SYT17: variants seen among roughly 807,000 people sequenced by gnomAD.
The protein encoded by SYT17 is synaptotagmin 17.
In SYT17, 22 loss-of-function variants were observed where a neutral mutation model predicts 46.7. The observed-to-expected ratio is 0.47, with a 90% confidence interval of 0.34 to 0.67. The LOEUF is 0.67. Ranked by LOEUF, SYT17 falls within the 30% of genes least tolerant of loss-of-function variation. The pLI, the probability that SYT17 is intolerant of heterozygous loss-of-function variation, is 0.01. For synonymous variants in SYT17, 251 were observed against 248.4 expected, an observed-to-expected ratio of 1.01 and a Z score of -0.10; for missense variants, 519 against 612.8, an observed-to-expected ratio of 0.85 and a Z score of 1.62.
At position 19,231,522 on chromosome 16, in the gene SYT17, A is replaced by T. The variant is rs7197634; in HGVS notation, c.1228+6684A>T. On this transcript the variant is annotated intron_variant, in intron 7 of 7. Coordinates refer to ENST00000355377, the MANE Select transcript of SYT17 (RefSeq NM_016524.4). ...TGGGCAACAAGAGTGAAACTCCATC[A>T]CAAAAAAAAAAAAAAAAAAAAAAAA... Among the ~76,000 whole-genome samples, 45 of 114,092 alleles carry T rather than the reference A, an allele frequency of 3.9e-4. 1 individual carries two copies. The highest frequency in any genetic ancestry group is 1.6e-3 in the African/African-American group (44 of 28,002). The allele number at this position is 114,092 out of a possible 152,430, so 74.8% of individuals were successfully genotyped here.
chr16:19,176,079 C>G (rs1318049913), intron 3 of SYT17, among the ~76,000 whole-genome samples: 1 of 152,166 alleles, frequency 6.6e-6, no homozygotes, highest in East Asian at 1.9e-4. Context: ...ATGAAAGAAT[C>G]AGGAATGATG....
chr16:19,217,794 G>A (rs142861412), intron 5 of SYT17, among the ~76,000 whole-genome samples: 12 of 152,312 alleles, frequency 7.9e-5, no homozygotes, highest in East Asian at 1.9e-4. Flanking sequence ...AGTATACAGC[G>A]TTCTTGTTTA....
intron 7 of SYT17, among the ~76,000 whole-genome samples, chr16:19,229,411 A>T (rs1455852877): frequency 6.6e-6 from 1 of 152,034 alleles, no homozygotes; most frequent in Admixed American, 6.5e-5. Flanking sequence ...CAGGAGGAAG[A>T]GAGTGAAGGG....
chr16:19,253,854 A>C (rs1968368372), intron 7 of SYT17, among the ~76,000 whole-genome samples: 3 of 152,016 alleles, frequency 2.0e-5, no homozygotes, highest in African/African-American at 7.2e-5. Context: ...CAGCCTCCCG[A>C]GTAACTAGGA....
intron 7 of SYT17, among the ~76,000 whole-genome samples, chr16:19,226,905 C>T (rs971235486): frequency 2.0e-5 from 3 of 152,152 alleles, no homozygotes; most frequent in African/African-American, 7.2e-5. Context: ...AAATGTAGCA[C>T]ACACGTGTTA....
chr16:19,238,160 G>C (rs1385793101), intron 7 of SYT17, among the ~76,000 whole-genome samples: 2 of 152,212 alleles, frequency 1.3e-5, no homozygotes, highest in East Asian at 3.9e-4. Context: ...GGTAGGATCA[G>C]CAGAACATGC....
intron 4 of SYT17, among the ~76,000 whole-genome samples, chr16:19,181,118 T>C (rs1457933007): frequency 6.6e-6 from 1 of 152,258 alleles, no homozygotes; most frequent in Admixed American, 6.5e-5. Flanking sequence ...CCGTATTGTC[T>C]GATCTTTGTA....
In SYT17 at chr16:19,213,493, T is replaced by C. The variant is rs535811315; in HGVS notation, c.952-9552T>C. On this transcript the variant is annotated intron_variant, in intron 5 of 7. Coordinates refer to ENST00000355377, the MANE Select transcript of SYT17 (RefSeq NM_016524.4). The stretch of plus-strand genomic sequence containing the variant: ...GTTTACTGAAACCAAGACAGGGAGG[T>C]ACAGAGAGCAAGGAAGTTTGGCCTT... Among the ~76,000 whole-genome samples, 12 of 151,894 alleles carry C rather than the reference T, an allele frequency of 7.9e-5. No homozygotes were observed. The East Asian group carries it at 2.3e-3, about 29-fold the overall frequency.
intron 5 of SYT17, among the ~76,000 whole-genome samples, chr16:19,197,040 G>A: frequency 6.6e-6 from 1 of 152,142 alleles, no homozygotes; most frequent in Non-Finnish European, 1.5e-5. Flanking sequence ...TCACCACCTG[G>A]CACCTTACCA....
rs768982659 is a variant in SYT17, at chr16:19,223,158, A to G, written c.1065A>G (p.Gln355=). 61 of 1,613,698 alleles carry G rather than the reference A, an allele frequency of 3.8e-5. No homozygotes were observed. The highest frequency in any genetic ancestry group is 5.1e-5 in the Non-Finnish European group (60 of 1,179,792). The change falls in exon 6 of 8, where the codon CAA becomes CAG. Residue 355 remains glutamine (Q), a synonymous_variant. Transcript: ENST00000355377. The part of the protein sequence containing the change: ...AKQLLQTDVS[Q]GSDPFVKIQL... ...AACTTCTTCAGACAGATGTGAGCCA[A>G]GGTTCAGGTACCGTGTGATTCCCCT...
intron 5 of SYT17, among the ~76,000 whole-genome samples, chr16:19,189,337 TC>T (rs1302058357): frequency 7.2e-6 from 1 of 138,846 alleles, no homozygotes; most frequent in Non-Finnish European, 1.5e-5. Context: ...CCTCAACCTG[TC>T]TTTTTTTTTT....
chr16:19,267,370 T>A lies in SYT17; in HGVS notation c.*294T>A, dbSNP rs1356293584. On this transcript the variant is annotated 3_prime_UTR_variant, in exon 8 of 8. Transcript: ENST00000355377. Reference sequence around the variant, plus strand: ...TGGGACTTATTGGCAGTGCCTGCTCTTGTCAATACTCCTGCCCCAAAATGC... The same window carrying A: ...TGGGACTTATTGGCAGTGCCTGCTCATGTCAATACTCCTGCCCCAAAATGC... 3.9e-6 allele frequency: 1 copy of A among 254,804 alleles called. No individual in the cohort carries two copies. The highest frequency in any genetic ancestry group is 2.2e-5 in the African/African-American group (1 of 45,322). The allele number at this position is 254,804 out of a possible 1,614,324, so 15.8% of individuals were successfully genotyped here.
chr16:19,200,270 A>G (rs1965410618), intron 5 of SYT17, among the ~76,000 whole-genome samples: 1 of 152,252 alleles, frequency 6.6e-6, no homozygotes, highest in South Asian at 2.1e-4. Context: ...GCCCATATAC[A>G]TGACCCTAAC....
rs143448107 is a variant in SYT17 at position 19,231,523 on chromosome 16, CAAAAAA to C, written c.1228+6707_1228+6712del. Among the ~76,000 whole-genome samples, 311 of 45,832 alleles carry C rather than the reference CAAAAAA, an allele frequency of 6.8e-3. 1 individual carries two copies. Among genetic ancestry groups the C allele is most frequent in the Non-Finnish European group, 9.6e-3 (231 of 24,168 alleles). The allele number at this position is 45,832 out of a possible 152,430, so 30.1% of individuals were successfully genotyped here. On this transcript the variant is annotated intron_variant, in intron 7 of 7. Transcript: ENST00000355377. ...GGGCAACAAGAGTGAAACTCCATCA[CAAAAAA>C]AAAAAAAAAAAAAAAAAAAAAGAAA... is the stretch of plus-strand genomic sequence containing the variant.
chr16:19,210,468 A>G (rs1965853849), intron 5 of SYT17, among the ~76,000 whole-genome samples: 1 of 148,568 alleles, frequency 6.7e-6, no homozygotes, highest in Non-Finnish European at 1.5e-5. Flanking sequence ...TTTTTTTTAA[A>G]AGGGTATTTT....
chr16:19,222,769 A>G (rs1227092671), intron 5 of SYT17, among the ~76,000 whole-genome samples: 1 of 152,230 alleles, frequency 6.6e-6, no homozygotes, highest in Non-Finnish European at 1.5e-5. Flanking sequence ...CGCTTAGCGT[A>G]GTACATGGCA....
intron 3 of SYT17, among the ~76,000 whole-genome samples, chr16:19,178,006 C>T (rs1964383609): frequency 2.6e-5 from 4 of 152,092 alleles, no homozygotes; most frequent in Non-Finnish European, 1.5e-5. Context: ...ATTAGTTATT[C>T]ATCCTTCTCC....
At chr16:19,221,495 G>A (rs1186154897) in intron 5 of SYT17, among the ~76,000 whole-genome samples, 1 of 152,094 alleles carries the variant, frequency 6.6e-6, no homozygotes, top group Non-Finnish European at 1.5e-5. Flanking sequence ...TGTGATGTGG[G>A]GCAAACAAAA....
chr16:19,256,889 A>G (rs1011516226), intron 7 of SYT17, among the ~76,000 whole-genome samples: 4 of 151,974 alleles, frequency 2.6e-5, no homozygotes, highest in African/African-American at 9.7e-5. Context: ...CTTCTTTTTG[A>G]GATAAAGGAA....
Sources: allele counts gnomAD v4.1 joint callset (sites outside exome capture counted in the v4.1 genomes callset), GRCh38; gene constraint gnomAD v4.1.1; transcripts MANE v1.5; gene names NCBI Gene and HGNC (gene_info 2026-07-23, HGNC 2026-07-21).